PALD1: variants seen among roughly 807,000 people sequenced by gnomAD.
The protein encoded by PALD1 is phosphatase domain containing paladin 1.
In PALD1, 57 loss-of-function variants were observed where a neutral mutation model predicts 96.0. That is an observed-to-expected ratio of 0.59 (90% confidence interval 0.48 to 0.74). The LOEUF is 0.74. Ranked by LOEUF, PALD1 falls within the 30% of genes least tolerant of loss-of-function variation. PALD1 has a pLI of 0.00. For synonymous variants in PALD1, 464 were observed against 473.6 expected (o/e 0.98, Z 0.26); for missense variants, 1,063 against 1,143.7 (o/e 0.93, Z 1.02).
intron 1 of PALD1, among the ~76,000 whole-genome samples, chr10:70,524,330 C>G (rs1437975615): frequency 2.0e-5 from 3 of 152,148 alleles, no homozygotes; most frequent in Non-Finnish European, 2.9e-5. Flanking sequence ...GCCTCTGTCC[C>G]TCCTGTCTGT....
chr10:70,531,605 C>T (rs1047470162), intron 5 of PALD1, 151 bp downstream of exon 5: 13 of 678,314 alleles, frequency 1.9e-5, no homozygotes, highest in South Asian at 4.5e-5. Flanking sequence ...GGCTGACTCA[C>T]GGGCAGCCAG....
chr10:70,490,824 C>T (rs1167756123), intron 1 of PALD1, among the ~76,000 whole-genome samples: 3 of 152,186 alleles, frequency 2.0e-5, no homozygotes, highest in African/African-American at 7.2e-5. Flanking sequence ...TAAGCCTAGA[C>T]TACGTGTGAG....
rs565503808 is a variant in PALD1, at chr10:70,509,179, G to A, written c.-29-16744G>A. Among the ~76,000 whole-genome samples the A allele has an allele frequency of 5.2e-4, 79 of 152,286 alleles. 1 individual carries two copies. Among genetic ancestry groups the A allele is most frequent in the African/African-American group, 1.8e-3 (74 of 41,572 alleles). On this transcript the variant is annotated intron_variant, in intron 1 of 19. Coordinates refer to ENST00000263563, the MANE Select transcript of PALD1 (RefSeq NM_014431.3). ...TCCCCCTGGGTCCCACGTGTTCTTT[G>A]CCCCCTGCCGGTCCCTGCTCTAAGC...
intron 1 of PALD1, among the ~76,000 whole-genome samples, chr10:70,496,195 C>G (rs2132281368): frequency 6.6e-6 from 1 of 152,306 alleles, no homozygotes; most frequent in South Asian, 2.1e-4. Flanking sequence ...TTTCCACACA[C>G]AGCCTGTTAG....
intron 17 of PALD1, among the ~76,000 whole-genome samples, chr10:70,544,590 G>GCA (rs1847321788): frequency 6.6e-6 from 1 of 152,030 alleles, no homozygotes; most frequent in Admixed American, 6.6e-5. Flanking sequence ...GGTGAGGAGG[G>GCA]CACCTAGGAT....
chr10:70,538,607 T>C (rs549580832), intron 12 of PALD1, among the ~76,000 whole-genome samples, 199 bp downstream of exon 12: 1 of 149,040 alleles, frequency 6.7e-6, no homozygotes, highest in Non-Finnish European at 1.5e-5. Flanking sequence ...TTGGCAGCTG[T>C]TCTGGTACCT....
intron 18 of PALD1, among the ~76,000 whole-genome samples, chr10:70,552,538 C>A (rs1187508418): frequency 1.3e-5 from 2 of 152,072 alleles, no homozygotes; most frequent in African/African-American, 2.4e-5. Context: ...CCTCATGTGC[C>A]CACCTCCCAG....
At chr10:70,485,196 A>T (rs1351338713) in intron 1 of PALD1, 2 of 151,440 alleles carry the variant, frequency 1.3e-5, no homozygotes, top group South Asian at 4.2e-4. Flanking sequence ...CTATTTTTCA[A>T]AACATCTCCC....
intron 1 of PALD1, among the ~76,000 whole-genome samples, chr10:70,482,272 C>T (rs564518819): frequency 1.3e-5 from 2 of 152,224 alleles, no homozygotes; most frequent in South Asian, 2.1e-4. Flanking sequence ...GCAGGCTGGG[C>T]GGGCGTATGG....
chr10:70,491,103 G>A (rs540985868), intron 1 of PALD1, among the ~76,000 whole-genome samples: 4 of 152,072 alleles, frequency 2.6e-5, no homozygotes, highest in Non-Finnish European at 5.9e-5. Flanking sequence ...CTGCCACCAC[G>A]CCTGGCTAAT....
Position 70,540,953 on chromosome 10 carries a change from G to C in PALD1, c.1909-149G>C. On this transcript the variant is annotated intron_variant, in intron 15 of 19. Transcript: ENST00000263563. This position sits in a 1 kb window ranked among gnomAD's most constrained non-coding sequence, Gnocchi z 4.2. ...ACACGCACATGGTCTCATGCACCCC[G>C]GTGAGTTTTGTTTGTGTGTGCAAGC... The C allele has an allele frequency of 3.8e-6, 3 of 780,792 alleles. No homozygotes were observed. The highest frequency in any genetic ancestry group is 1.7e-5 in the South Asian group (1 of 57,484). 48.4% of individuals were successfully genotyped at this position (780,792 alleles called of 1,614,324 possible). A position where few individuals can be genotyped will look rare whatever the true frequency, so the allele number is the denominator to read the frequency against.
At chr10:70,557,342 A>G (rs1336111844) in intron 18 of PALD1, among the ~76,000 whole-genome samples, 1 of 152,100 alleles carries the variant, frequency 6.6e-6, no homozygotes, top group Non-Finnish European at 1.5e-5. Flanking sequence ...TATGGGCTAC[A>G]TGCGGACACA....
In PALD1 at chr10:70,539,570, C is replaced by T. The variant is rs767121002; in HGVS notation, c.1726-10C>T. 2 of 1,601,930 alleles carry T rather than the reference C, an allele frequency of 1.2e-6. No individual in the cohort carries two copies. Among genetic ancestry groups the T allele is most frequent in the South Asian group, 2.2e-5 (2 of 90,422 alleles). ...CAGTGGCCTGTGTCCTCCCTCCTGC[C>T]CTTGCCCAGACCCTGGAGGCCCAGC... On this transcript the variant is annotated splice_polypyrimidine_tract_variant and intron_variant, in intron 14 of 19. Coordinates refer to ENST00000263563, the MANE Select transcript of PALD1 (RefSeq NM_014431.3). This position sits in a 1 kb window ranked among gnomAD's most constrained non-coding sequence, Gnocchi z 4.5.
At chr10:70,518,419 C>G (rs1304282041) in intron 1 of PALD1, among the ~76,000 whole-genome samples, 1 of 152,188 alleles carries the variant, frequency 6.6e-6, no homozygotes, top group East Asian at 1.9e-4. Flanking sequence ...AATTACAAAA[C>G]TGTCTTCCAG....
intron 1 of PALD1, among the ~76,000 whole-genome samples, chr10:70,492,311 C>T (rs886482229): frequency 6.6e-6 from 1 of 152,096 alleles, no homozygotes; most frequent in African/African-American, 2.4e-5. Flanking sequence ...CTGCGTATAA[C>T]TCCGTGGTAA....
intron 2 of PALD1, among the ~76,000 whole-genome samples, chr10:70,528,546 C>A (rs10823559): frequency 0.46 from 69,641 of 152,024 alleles, 17,078 homozygotes; most frequent in Middle Eastern, 0.59. Flanking sequence ...CCCAAGCCTG[C>A]GTTCTAAACC....
intron 2 of PALD1, among the ~76,000 whole-genome samples, chr10:70,528,805 A>G (rs1176949935): frequency 1.3e-5 from 2 of 152,134 alleles, no homozygotes; most frequent in Non-Finnish European, 1.5e-5. Flanking sequence ...CATCATCAAC[A>G]TGTGGCTTCC....
chr10:70,517,692 C>A (rs1010678463), intron 1 of PALD1, among the ~76,000 whole-genome samples: 29 of 152,056 alleles, frequency 1.9e-4, no homozygotes, highest in Admixed American at 1.9e-3. Context: ...TGTGTGGCCA[C>A]CACATTCAGT....
rs142844687 is a variant in PALD1, at chr10:70,564,553, C to T, written c.2418+34C>T. On this transcript the variant is annotated intron_variant, in intron 19 of 19. Transcript: ENST00000263563. ...AGGCTGAGGCCGAGAGGGGCCGGGG[C>T]GATGGCTCCTGCAGATGGAGCTGGG... is the stretch of plus-strand genomic sequence containing the variant. 3.0e-4 allele frequency: 485 copies of T among 1,600,942 alleles called. 2 individuals are homozygous for T. In the African/African-American group the frequency reaches 5.5e-3, roughly 18 times the overall value.
Sources: allele counts gnomAD v4.1 joint callset (sites outside exome capture counted in the v4.1 genomes callset), GRCh38; gene constraint gnomAD v4.1.1; non-coding constraint Gnocchi (gnomAD v3.1); transcripts MANE v1.5; gene names NCBI Gene and HGNC (gene_info 2026-07-23, HGNC 2026-07-21).